The following PCDHA2 variants were observed in gnomAD, a reference collection of about 807,000 sequenced individuals.
PCDHA2 encodes protocadherin alpha 2.
Under a neutral mutation model 66.0 loss-of-function variants are expected in PCDHA2, and 58 were observed. That is an observed-to-expected ratio of 0.88 (90% confidence interval 0.71 to 1.09). The LOEUF (loss-of-function observed/expected upper bound fraction) is 1.09. Ranked by LOEUF, PCDHA2 falls within the 50% of genes least tolerant of loss-of-function variation. PCDHA2 has a pLI of 0.00. For missense variants in PCDHA2, 1,267 were observed against 1,242.3 expected (o/e 1.02, Z -0.30); for synonymous variants, 634 against 554.0 (o/e 1.14, Z -2.03).
At chr5:141,001,997 CA>C (rs1587968703) in intron 3 of PCDHA2, among the ~76,000 whole-genome samples, 1 of 152,190 alleles carries the variant, frequency 6.6e-6, no homozygotes, top group Admixed American at 6.5e-5. Flanking sequence ...AGTTCACTTG[CA>C]AACACAGAAT....
intron 1 of PCDHA2, among the ~76,000 whole-genome samples, chr5:140,970,254 T>C (rs1315934666): frequency 1.3e-5 from 2 of 152,238 alleles, no homozygotes; most frequent in African/African-American, 4.8e-5. Context: ...TGACAGTTTC[T>C]ATGGTTTTGA....
intron 1 of PCDHA2, chr5:140,808,927 G>T (rs1764306295): frequency 6.2e-7 from 1 of 1,613,590 alleles, no homozygotes; most frequent in African/African-American, 1.3e-5. Flanking sequence ...TGAGCGAGCT[G>T]GTGCCATGGT....
At chr5:140,830,316 C>G (rs2150184866) in intron 1 of PCDHA2, 1 of 1,613,980 alleles carries the variant, frequency 6.2e-7, no homozygotes, top group East Asian at 2.2e-5. Context: ...CTGGTGTGCT[C>G]CAGCGCAGTG....
intron 1 of PCDHA2, among the ~76,000 whole-genome samples, chr5:140,960,353 A>T (rs1197291282): frequency 6.6e-6 from 1 of 152,214 alleles, no homozygotes; most frequent in African/African-American, 2.4e-5. Context: ...ATATGTACTG[A>T]AATAATATGC....
intron 1 of PCDHA2, chr5:140,876,163 A>AC (rs782492210): frequency 6.2e-7 from 1 of 1,613,966 alleles, no homozygotes; most frequent in South Asian, 1.1e-5. Flanking sequence ...GATTCAAATA[A>AC]CCGTCCTGGA....
rs373157192 is a variant in PCDHA2, at chr5:140,869,487, C to G, written c.2388+72135C>G. On this transcript the variant is annotated intron_variant, in intron 1 of 3. Transcript: ENST00000526136. ...ACGTGGAGGTGAAGGACATTAACGA[C>G]AACCCGCCGGTGTTCTCGCTCAGAG... The G allele has an allele frequency of 3.1e-6, 5 of 1,614,180 alleles. No homozygotes were observed. The South Asian group carries it at 5.5e-5, about 18-fold the overall frequency.
intron 3 of PCDHA2, among the ~76,000 whole-genome samples, chr5:140,999,218 C>T (rs1410560466): frequency 6.6e-6 from 1 of 152,180 alleles, no homozygotes; most frequent in Non-Finnish European, 1.5e-5. Context: ...GGAAGTACTA[C>T]ATTTGAGAAT....
At chr5:140,846,453 C>G (rs1465090766) in intron 1 of PCDHA2, among the ~76,000 whole-genome samples, 2 of 138,248 alleles carry the variant, frequency 1.4e-5, no homozygotes, top group Non-Finnish European at 3.1e-5. Flanking sequence ...CGGCTCACTG[C>G]AACCTCTGCC....
chr5:140,896,465 C>T (rs967658819), intron 1 of PCDHA2, among the ~76,000 whole-genome samples: 8 of 151,988 alleles, frequency 5.3e-5, no homozygotes, highest in South Asian at 4.1e-4. Context: ...TGGGTTCAAG[C>T]GGTTCTCCTG....
Position 140,819,936 on chromosome 5 carries a change from C to T in PCDHA2, c.2388+22584C>T, listed in dbSNP as rs2150105515. ...TTGTTAATACTACATTGTTAATTTG[C>T]CTTTTAAATACTTAATATTTACTTT... On this transcript the variant is annotated intron_variant, in intron 1 of 3. Transcript: ENST00000526136. 1.6e-3 allele frequency among the ~76,000 whole-genome samples: 248 copies of T among 151,776 alleles called. 1 individual carries two copies. The highest frequency in any genetic ancestry group is 2.8e-3 in the Non-Finnish European group (192 of 67,758).
chr5:140,984,645 C>T (rs1354690786), intron 3 of PCDHA2, among the ~76,000 whole-genome samples: 1 of 152,164 alleles, frequency 6.6e-6, no homozygotes, highest in African/African-American at 2.4e-5. Flanking sequence ...TGCCTTCTCC[C>T]TGTCCTTCTG....
intron 1 of PCDHA2, chr5:140,929,687 C>T (rs2086294433): frequency 3.5e-6 from 1 of 288,138 alleles, no homozygotes; most frequent in African/African-American, 2.2e-5. Flanking sequence ...ATGTAAGAGT[C>T]TGCTTTATAT....
chr5:140,828,591 T>G, intron 1 of PCDHA2: 1 of 1,614,220 alleles, frequency 6.2e-7, no homozygotes, highest in Non-Finnish European at 8.5e-7. Flanking sequence ...TCAAATTCCA[T>G]CTTAACCTAT....
chr5:140,797,970 A>T (rs1762283751), intron 1 of PCDHA2, among the ~76,000 whole-genome samples: 1 of 152,124 alleles, frequency 6.6e-6, no homozygotes, highest in Admixed American at 6.5e-5. Flanking sequence ...GTCTTGCCTC[A>T]GCCTCCTTAG....
chr5:140,843,700 T>G lies in PCDHA2; in HGVS notation c.2388+46348T>G. On this transcript the variant is annotated intron_variant, in intron 1 of 3. Coordinates refer to ENST00000526136, the MANE Select transcript of PCDHA2 (RefSeq NM_018905.3). ...TAGGCGAAGAGCAAGATTTAAATGT[T>G]GATCATGGCCTCAAAGTAAGTCCAT... The G allele has an allele frequency of 3.2e-6, 5 of 1,581,782 alleles. 1 individual carries two copies. Among genetic ancestry groups the G allele is most frequent in the Non-Finnish European group, 4.3e-6 (5 of 1,152,788 alleles).
intron 3 of PCDHA2, among the ~76,000 whole-genome samples, chr5:140,990,330 A>C (rs1554251426): frequency 6.6e-6 from 1 of 152,122 alleles, no homozygotes; most frequent in African/African-American, 2.4e-5. Context: ...AAACTTTAAA[A>C]ATAAGTAAAG....
intron 1 of PCDHA2, among the ~76,000 whole-genome samples, chr5:140,954,689 A>T (rs1392082377): frequency 2.0e-5 from 3 of 152,164 alleles, no homozygotes; most frequent in Non-Finnish European, 4.4e-5. Context: ...TCAGATGGAT[A>T]GACTACAAAA....
At chr5:140,802,467 G>C in intron 1 of PCDHA2, 1 of 1,614,224 alleles carries the variant, frequency 6.2e-7, no homozygotes, top group Non-Finnish European at 8.5e-7. Flanking sequence ...CTATGAGCTG[G>C]TGGTGACTGC....
At chr5:140,807,948 A>T (rs1046867611) in intron 1 of PCDHA2, 2 of 1,614,124 alleles carry the variant, frequency 1.2e-6, no homozygotes, top group Non-Finnish European at 8.5e-7. Context: ...TTACTAGAAA[A>T]TGTTCCTAAT....
Sources: allele counts gnomAD v4.1 joint callset (sites outside exome capture counted in the v4.1 genomes callset), GRCh38; gene constraint gnomAD v4.1.1; transcripts MANE v1.5; gene names NCBI Gene and HGNC (gene_info 2026-07-23, HGNC 2026-07-21).